DAAM1: variants seen among roughly 807,000 people sequenced by gnomAD.
The protein encoded by DAAM1 is disheveled-associated activator of morphogenesis 1.
DAAM1 carries 52 observed loss-of-function variants against 130.0 expected under a neutral mutation model. The ratio of observed to expected loss-of-function variants is 0.40; its 90% CI spans 0.32 to 0.50. The LOEUF (loss-of-function observed/expected upper bound fraction) is 0.50. Among genes scored for constraint, DAAM1 ranks in the 20% least tolerant of loss-of-function variants. The pLI is 0.61. For missense variants in DAAM1, 1,134 were observed against 1,303.8 expected (o/e 0.87, Z 2.01); for synonymous variants, 452 against 444.5 (o/e 1.02, Z -0.21).
intron 15 of DAAM1, chr14:59,338,538 C>T: frequency 2.0e-6 from 2 of 976,640 alleles, no homozygotes; most frequent in East Asian, 2.6e-5. Context: ...AATCTAATGC[C>T]TAGGTAACTC....
At chr14:59,342,678 A>G (rs1885896152) in intron 16 of DAAM1, among the ~76,000 whole-genome samples, 1 of 152,194 alleles carries the variant, frequency 6.6e-6, no homozygotes, top group African/African-American at 2.4e-5. Flanking sequence ...TTGAAAGCAC[A>G]TGGCTAATTG....
rs935016056 is a variant in DAAM1, at chr14:59,346,144, G to C, written c.2076-1395G>C. Among the ~76,000 whole-genome samples, 638 of 148,484 alleles carry C rather than the reference G, an allele frequency of 4.3e-3. 9 individuals are homozygous for C. Among genetic ancestry groups the C allele is most frequent in the African/African-American group, 0.015 (599 of 40,610 alleles). On this transcript the variant is annotated intron_variant, in intron 16 of 24. Transcript: ENST00000360909. The stretch of plus-strand genomic sequence containing the variant: ...AAACACAATCCCTTTTTTTTGGGGG[G>C]GGGGGGGTGCCTGGAGGGATGCAGT...
intron 15 of DAAM1, among the ~76,000 whole-genome samples, chr14:59,336,875 C>T (rs531754030): frequency 1.3e-5 from 2 of 152,106 alleles, no homozygotes; most frequent in Non-Finnish European, 2.9e-5. Context: ...CTATACACAA[C>T]GCATTACGTG....
At chr14:59,305,509 T>C (rs1884343262) in intron 3 of DAAM1, among the ~76,000 whole-genome samples, 1 of 152,204 alleles carries the variant, frequency 6.6e-6, no homozygotes. Context: ...AAGTGTCTCA[T>C]AGTTTGGGAA....
intron 6 of DAAM1, 116 bp from the exon 7 acceptor site, chr14:59,324,012 A>G (rs1402721840): frequency 8.4e-6 from 5 of 597,518 alleles, no homozygotes; most frequent in Non-Finnish European, 1.2e-5. Flanking sequence ...AGCCTGGGCA[A>G]CAGAGCAAGA....
chr14:59,259,516 C>T (rs1382526477), intron 1 of DAAM1, among the ~76,000 whole-genome samples: 1 of 152,152 alleles, frequency 6.6e-6, no homozygotes, highest in Non-Finnish European at 1.5e-5. Context: ...CTGGGGAACA[C>T]TTCCCCATCC....
intron 2 of DAAM1, among the ~76,000 whole-genome samples, chr14:59,272,275 A>G (rs145624564): frequency 5.1e-4 from 77 of 152,320 alleles, no homozygotes; most frequent in Non-Finnish European, 8.7e-4. Context: ...GAATTAAAAT[A>G]TATTGGCTGG....
At chr14:59,315,814 CTCTTTACTCATATAATAGA>C in intron 4 of DAAM1, among the ~76,000 whole-genome samples, 1 of 152,234 alleles carries the variant, frequency 6.6e-6, no homozygotes, top group South Asian at 2.1e-4. Context: ...GGACCAAGTA[CTCTTTACTCATATAATAGA>C]TCAGGAATTC....
At chr14:59,337,918 T>A (rs554221032) in intron 15 of DAAM1, among the ~76,000 whole-genome samples, 13 of 152,236 alleles carry the variant, frequency 8.5e-5, no homozygotes, top group African/African-American at 2.9e-4. Context: ...ATTATTTTCA[T>A]CAAAAAAAGT....
intron 20 of DAAM1, among the ~76,000 whole-genome samples, chr14:59,358,543 T>A (rs1292438437): frequency 6.6e-6 from 1 of 152,096 alleles, no homozygotes; most frequent in African/African-American, 2.4e-5. Flanking sequence ...GGTGAAACCT[T>A]ATTAAAAACT....
intron 1 of DAAM1, among the ~76,000 whole-genome samples, chr14:59,193,773 TC>T (rs763122478): frequency 6.6e-6 from 1 of 152,222 alleles, no homozygotes; most frequent in Non-Finnish European, 1.5e-5. Flanking sequence ...GGAATGTGCT[TC>T]CCTCTGAGTG....
intron 1 of DAAM1, among the ~76,000 whole-genome samples, chr14:59,221,951 C>T (rs553183886): frequency 6.6e-6 from 1 of 152,342 alleles, no homozygotes; most frequent in East Asian, 1.9e-4. Flanking sequence ...CATTTCCACT[C>T]CTGATTCCTA....
intron 3 of DAAM1, among the ~76,000 whole-genome samples, chr14:59,301,333 A>G (rs1352800530): frequency 1.3e-5 from 2 of 152,120 alleles, no homozygotes; most frequent in Admixed American, 1.3e-4. Flanking sequence ...AAGTATATTG[A>G]GGTCTAGATG....
intron 2 of DAAM1, among the ~76,000 whole-genome samples, chr14:59,273,970 C>G (rs141968136): frequency 2.0e-5 from 3 of 152,270 alleles, no homozygotes; most frequent in African/African-American, 7.2e-5. Context: ...AATATTTTTA[C>G]TCGCTGTGTC....
chr14:59,323,117 C>G lies in DAAM1; in HGVS notation c.666C>G (p.Ala222=). 6.2e-7 allele frequency: 1 copy of G among 1,613,526 alleles called. No homozygotes were observed. Among genetic ancestry groups the G allele is most frequent in the Non-Finnish European group, 8.5e-7 (1 of 1,179,740 alleles). The change falls in exon 6 of 25, where the codon GCC becomes GCG. Residue 222 remains alanine (A), a synonymous_variant. Coordinates refer to ENST00000360909, the MANE Select transcript of DAAM1 (RefSeq NM_001270520.2). Reference sequence around the variant, plus strand: ...CAGAGAACATTAAAACGAAGGTGGCCGTGCTGGAAATCTTGGGCGCCGTGT... The same window carrying G: ...CAGAGAACATTAAAACGAAGGTGGCGGTGCTGGAAATCTTGGGCGCCGTGT... ...LSTENIKTKV[A]VLEILGAVCL...
rs1385544386 is a variant in DAAM1, at chr14:59,291,231, C to T, written c.198C>T (p.Leu66=). The change falls in exon 3 of 25, where the codon CTC becomes CTT. Residue 66 remains leucine, a synonymous_variant. Transcript: ENST00000360909. ...TTTCTTCTCAGGATGAACTGGACCT[C>T]ACAGACAAACACAGAGAAGCCATGT... ...MFSELVDELD[L]TDKHREAMFA... is the part of the protein sequence containing the mutation. 2 of 1,609,888 alleles carry T rather than the reference C, an allele frequency of 1.2e-6. No individual in the cohort carries two copies. Among genetic ancestry groups the T allele is most frequent in the African/African-American group, 2.7e-5 (2 of 74,660 alleles).
At chr14:59,230,367 G>A (rs1377854446) in intron 1 of DAAM1, among the ~76,000 whole-genome samples, 3 of 151,662 alleles carry the variant, frequency 2.0e-5, no homozygotes, top group South Asian at 4.2e-4. Flanking sequence ...GGTGTGCCAC[G>A]GGGTTAACAT....
At chr14:59,286,005 C>T (rs1883436080) in intron 2 of DAAM1, among the ~76,000 whole-genome samples, 1 of 152,012 alleles carries the variant, frequency 6.6e-6, no homozygotes, top group Non-Finnish European at 1.5e-5. Context: ...ACTCTAAGAT[C>T]AACCACATAT....
rs1241681542 is a variant in DAAM1, at chr14:59,192,855, C to T, written c.-38+4087C>T. ...GATCATGAGGTCAGGACATCGAGAC[C>T]ATCCTGGCTAACACGGGGAAACCCC... On this transcript the variant is annotated intron_variant, in intron 1 of 24. Transcript: ENST00000360909. 2.6e-5 allele frequency among the ~76,000 whole-genome samples: 4 copies of T among 152,202 alleles called. No homozygotes were observed. The East Asian group carries it at 7.7e-4, about 29-fold the overall frequency.
Sources: allele counts gnomAD v4.1 joint callset (sites outside exome capture counted in the v4.1 genomes callset), GRCh38; gene constraint gnomAD v4.1.1; transcripts MANE v1.5; gene names NCBI Gene and HGNC (gene_info 2026-07-23, HGNC 2026-07-21).